The following SOD2 variants were observed in gnomAD, a reference collection of about 807,000 sequenced individuals.
SOD2 encodes superoxide dismutase 2, also known as superoxide dismutase [Mn], mitochondrial.
SOD2 carries 11 observed loss-of-function variants against 27.0 expected under a neutral mutation model. That is an observed-to-expected ratio of 0.41 (90% confidence interval 0.26 to 0.67). The LOEUF (loss-of-function observed/expected upper bound fraction) is 0.67. SOD2 is among the 30% of genes least tolerant of loss of function. The probability of loss-of-function intolerance (pLI) is 0.34; values close to 1 mark genes in which losing one functional copy is unlikely to be tolerated. For missense variants in SOD2, 250 were observed against 274.5 expected (o/e 0.91, Z 0.63); for synonymous variants, 105 against 103.0 (o/e 1.02, Z -0.12).
intron 4 of SOD2, among the ~76,000 whole-genome samples, chr6:159,683,390 CAGG>C (rs370332166): frequency 5.0e-4 from 76 of 152,236 alleles, no homozygotes; most frequent in African/African-American, 1.8e-3. Flanking sequence ...GAAGCTGACG[CAGG>C]AGAATTGCTT....
upstream of SOD2, chr6:159,693,457 G>C (rs1777341730): frequency 6.3e-6 from 1 of 158,570 alleles, no homozygotes; most frequent in African/African-American, 2.4e-5. Flanking sequence ...GGAGGCTGCA[G>C]GCTAGCCTCG....
intron 1 of SOD2, among the ~76,000 whole-genome samples, chr6:159,701,115 C>G (rs560373897): frequency 9.7e-4 from 148 of 152,248 alleles, no homozygotes; most frequent in Non-Finnish European, 1.7e-3. Context: ...TAACCCCACA[C>G]CTGCTTCCTC....
intron 1 of SOD2, among the ~76,000 whole-genome samples, chr6:159,705,612 C>A (rs1777611002): frequency 6.6e-6 from 1 of 152,160 alleles, no homozygotes; most frequent in South Asian, 2.1e-4. Context: ...AAATATGGGA[C>A]TATGTGAAAA....
intron 1 of SOD2, among the ~76,000 whole-genome samples, chr6:159,744,442 A>G (rs568399080): frequency 7.9e-5 from 12 of 152,310 alleles, no homozygotes; most frequent in African/African-American, 2.9e-4. Context: ...CATTTGGTAC[A>G]TATAGAAGTC....
intron 2 of SOD2, chr6:159,691,751 A>G (rs747186869): frequency 1.3e-5 from 2 of 152,108 alleles, no homozygotes; most frequent in Non-Finnish European, 2.9e-5. Flanking sequence ...TTAACAACAT[A>G]TATTTTAATT....
intron 1 of SOD2, among the ~76,000 whole-genome samples, chr6:159,714,151 A>C (rs1777882270): frequency 6.6e-6 from 1 of 152,066 alleles, no homozygotes; most frequent in African/African-American, 2.4e-5. Context: ...CTTTACCTCT[A>C]ATCTCTGCTG....
chr6:159,672,736 A>G lies in SOD2; in HGVS notation c.*9757T>C, dbSNP rs1779694049. On this transcript the variant is annotated 3_prime_UTR_variant, in exon 5 of 5. Transcript: ENST00000538183. ...CCTAGTGACAGGATCAAATTCACACATAACAATATTAACCTTAAATGTAAA... is the reference window on the plus strand; with the variant it reads ...CCTAGTGACAGGATCAAATTCACACGTAACAATATTAACCTTAAATGTAAA... 6.6e-6 allele frequency: 1 copy of G among 152,192 alleles called. No individual in the cohort carries two copies. The highest frequency in any genetic ancestry group is 6.5e-5 in the Admixed American group (1 of 15,270). 9.4% of individuals were successfully genotyped at this position (152,192 alleles called of 1,614,324 possible). A position where few individuals can be genotyped will look rare whatever the true frequency, so the allele number is the denominator to read the frequency against.
At position 159,685,843 on chromosome 6, in the gene SOD2, A is replaced by AT. The variant is rs1369886428; in HGVS notation, c.344-811dup. On this transcript the variant is annotated intron_variant, in intron 3 of 4. Transcript: ENST00000538183. Reference sequence around the variant, plus strand: ...AATGGCCTCCAGCTGCGTAGTTCACATTTTTTAATGAATCGTGTTAGAGGG... The same window carrying AT: ...AATGGCCTCCAGCTGCGTAGTTCACATTTTTTTAATGAATCGTGTTAGAGGG... Among the ~76,000 whole-genome samples the AT allele has an allele frequency of 3.9e-5, 6 of 152,236 alleles. No homozygotes were observed. The South Asian group carries it at 6.2e-4, about 16-fold the overall frequency.
chr6:159,693,234 C>G lies in SOD2; in HGVS notation c.-67G>C. The stretch of plus-strand genomic sequence containing the variant: ...GAAGCCGCTGCCGAAGCCACCACAG[C>G]CACGAGTGCCGCTCCTGCGCCGCCC... On this transcript the variant is annotated 5_prime_UTR_variant, in exon 1 of 5. Transcript: ENST00000538183. The G allele has an allele frequency of 7.0e-7, 1 of 1,430,474 alleles. No individual in the cohort carries two copies. The highest frequency in any genetic ancestry group is 9.4e-7 in the Non-Finnish European group (1 of 1,058,416). The allele number at this position is 1,430,474 out of a possible 1,614,324, so 88.6% of individuals were successfully genotyped here. A position where few individuals can be genotyped will look rare whatever the true frequency, so the allele number is the denominator to read the frequency against.
intron 2 of SOD2, 61 bp downstream of exon 2, chr6:159,692,600 C>T (rs1216500876): frequency 6.2e-7 from 1 of 1,601,932 alleles, no homozygotes; most frequent in Non-Finnish European, 8.5e-7. Context: ...CCGTATGGGG[C>T]CTGGCTCCCT....
intron 1 of SOD2, among the ~76,000 whole-genome samples, chr6:159,733,029 T>C (rs1778684467): frequency 6.6e-6 from 1 of 151,966 alleles, no homozygotes; most frequent in African/African-American, 2.4e-5. Flanking sequence ...AAAATAGAAG[T>C]AGTTAGACAT....
exon 1 of SOD2, chr6:159,727,145 C>T (rs1778217703): frequency 4.2e-6 from 5 of 1,194,632 alleles, no homozygotes; most frequent in Non-Finnish European, 5.3e-6. Flanking sequence ...TGCTGAGCTC[C>T]GGGGCCCGCG....
In SOD2 at chr6:159,674,084, T is replaced by C. The variant is rs1239799930; in HGVS notation, c.*8409A>G. ...CCCTGAATAGACCAATAACAGGCTCTGAAATTGAGGCAATAATTAATAGCC... is the reference window on the plus strand; with the variant it reads ...CCCTGAATAGACCAATAACAGGCTCCGAAATTGAGGCAATAATTAATAGCC... On this transcript the variant is annotated 3_prime_UTR_variant, in exon 5 of 5. Coordinates refer to ENST00000538183, the MANE Select transcript of SOD2 (RefSeq NM_000636.4). The C allele has an allele frequency of 4.6e-5, 7 of 152,162 alleles. No individual in the cohort carries two copies. Among genetic ancestry groups the C allele is most frequent in the Non-Finnish European group, 8.8e-5 (6 of 68,032 alleles). The allele number at this position is 152,162 out of a possible 1,614,324, so 9.4% of individuals were successfully genotyped here. A position where few individuals can be genotyped will look rare whatever the true frequency, so the allele number is the denominator to read the frequency against.
intron 1 of SOD2, among the ~76,000 whole-genome samples, chr6:159,758,796 T>C (rs1780065935): frequency 6.6e-6 from 1 of 152,194 alleles, no homozygotes; most frequent in African/African-American, 2.4e-5. Context: ...ATTTGCTGCA[T>C]GGTAGGTTGG....
upstream of SOD2, among the ~76,000 whole-genome samples, chr6:159,746,109 A>G (rs190649719): frequency 3.1e-3 from 474 of 152,344 alleles, 3 homozygotes; most frequent in Non-Finnish European, 5.6e-3. Flanking sequence ...AGGCATACAT[A>G]AAGTTCTGTA....
At chr6:159,700,736 CTT>C (rs1185529558) in intron 1 of SOD2, among the ~76,000 whole-genome samples, 2 of 151,558 alleles carry the variant, frequency 1.3e-5, no homozygotes, top group Non-Finnish European at 2.9e-5. Flanking sequence ...ATGGATAAGA[CTT>C]AGTCTCTAAG....
At chr6:159,753,553 A>G (rs2114958429) in intron 1 of SOD2, 1 of 1,614,192 alleles carries the variant, frequency 6.2e-7, no homozygotes, top group Non-Finnish European at 8.5e-7. Context: ...GTATTGCACA[A>G]CTTGAAGCAG....
chr6:159,690,348 GC>G, intron 2 of SOD2, among the ~76,000 whole-genome samples: 1 of 150,556 alleles, frequency 6.6e-6, no homozygotes. Context: ...TGTAATCCCA[GC>G]ACTCTGGAAG....
chr6:159,724,765 T>C (rs147816086), intron 1 of SOD2, among the ~76,000 whole-genome samples: 46 of 150,778 alleles, frequency 3.1e-4, no homozygotes, highest in African/African-American at 1.0e-3. Context: ...GATGGGAGGA[T>C]TGCTTGAGCC....
Sources: gnomAD v4.1 joint callset for allele counts (sites outside exome capture counted in the v4.1 genomes callset) on GRCh38, gnomAD v4.1.1 for gene constraint, MANE v1.5 for transcripts, NCBI Gene and HGNC (gene_info 2026-07-23, HGNC 2026-07-21) for gene names.